RSL24D1: variants seen among roughly 807,000 people sequenced by gnomAD.
The protein encoded by RSL24D1 is ribosomal L24 domain containing 1.
RSL24D1 carries 6 observed loss-of-function variants against 26.2 expected under a neutral mutation model. That is an observed-to-expected ratio of 0.23 (90% CI 0.13 to 0.45). The LOEUF is 0.45. Ranked by LOEUF, RSL24D1 falls within the 20% of genes least tolerant of loss-of-function variation. The pLI is 0.99. For synonymous variants in RSL24D1, 61 were observed against 59.1 expected (o/e 1.03, Z -0.15); for missense variants, 176 against 202.6 (o/e 0.87, Z 0.80).
At chr15:55,196,496 T>G in intron 1 of RSL24D1, 1 of 573,404 alleles carries the variant, frequency 1.7e-6, no homozygotes, top group South Asian at 1.6e-5. Context: ...TTGGCCCAAG[T>G]ACATGAGTGG....
In RSL24D1 at chr15:55,181,221, T is replaced by C. The variant is rs571675434; in HGVS notation, c.*931A>G. On this transcript the variant is annotated 3_prime_UTR_variant, in exon 6 of 6. Transcript: ENST00000260443. ...TTTCTCTTTAATTAAATGTATCTCC[T>C]ACTTAAATGGGATGTGTGGAGGAAG... 1 of 152,504 alleles carries C rather than the reference T, an allele frequency of 6.6e-6. No homozygotes were observed. The highest frequency in any genetic ancestry group is 1.5e-5 in the Non-Finnish European group (1 of 68,040). The allele number at this position is 152,504 out of a possible 1,614,324, so 9.4% of individuals were successfully genotyped here.
intron 4 of RSL24D1, among the ~76,000 whole-genome samples, chr15:55,184,781 G>A (rs1894206335): frequency 6.6e-6 from 1 of 152,180 alleles, no homozygotes; most frequent in Non-Finnish European, 1.5e-5. Flanking sequence ...TGATGCATGA[G>A]AAGGATACGC....
At chr15:55,193,757 T>G (rs1894324966) in intron 1 of RSL24D1, among the ~76,000 whole-genome samples, 1 of 152,268 alleles carries the variant, frequency 6.6e-6, no homozygotes, top group East Asian at 1.9e-4. Flanking sequence ...TAGAAACTGT[T>G]GCTATTAGTT....
chr15:55,183,219 C>A (rs1016677925), intron 5 of RSL24D1, 96 bp downstream of exon 5: 12 of 793,762 alleles, frequency 1.5e-5, no homozygotes, highest in Admixed American at 1.4e-4. Flanking sequence ...CATAAATTTA[C>A]TATGAAAGAT....
Position 55,192,744 on chromosome 15 carries a change from T to C in RSL24D1, c.171A>G (p.Lys57=). The change falls in exon 2 of 6, where the codon AAA becomes AAG. Residue 57 remains lysine (K), a synonymous_variant. Transcript: ENST00000260443. ...RKVRWTKAFR[K]AAGKELTVDN... ...CCACTGTAAGCTCTTTACCAGCTGC[T>C]TTCCGGAATGCTTTGGTCCACCTAA... 1 of 1,613,636 alleles carries C rather than the reference T, an allele frequency of 6.2e-7. No homozygotes were observed. The highest frequency in any genetic ancestry group is 2.2e-5 in the East Asian group (1 of 44,858).
chr15:55,195,677 T>C (rs1894347365), intron 1 of RSL24D1: 3 of 152,292 alleles, frequency 2.0e-5, no homozygotes, highest in Non-Finnish European at 4.4e-5. Flanking sequence ...GGCAATCTTT[T>C]GGTTCATTTT....
chr15:55,184,518 A>G (rs1430706380), intron 4 of RSL24D1, among the ~76,000 whole-genome samples: 1 of 152,196 alleles, frequency 6.6e-6, no homozygotes, highest in Non-Finnish European at 1.5e-5. Flanking sequence ...TAGAAAAACC[A>G]CCATTTGGCA....
At position 55,182,211 on chromosome 15, in the gene RSL24D1, A is replaced by T; in HGVS notation, c.433T>A (p.Leu145Met). 6.2e-7 allele frequency: 1 copy of T among 1,604,640 alleles called. No homozygotes were observed. Among genetic ancestry groups the T allele is most frequent in the Non-Finnish European group, 8.5e-7 (1 of 1,171,948 alleles). The change falls in exon 6 of 6, where the codon TTG (leucine) becomes ATG (methionine). Residue 145 changes from leucine (L) to methionine (M), a missense_variant. Transcript: ENST00000260443. The part of the protein sequence containing the change: ...RAPLAGKGKQ[L>M]EEKMVQQLQE... The stretch of plus-strand genomic sequence containing the variant: ...AACTGCTGTACCATTTTCTCTTCCA[A>T]CTGTTTCCCTTTGCCTTTAATAAAA...
intron 4 of RSL24D1, among the ~76,000 whole-genome samples, chr15:55,183,792 A>G (rs1406237183): frequency 6.6e-6 from 1 of 152,198 alleles, no homozygotes; most frequent in African/African-American, 2.4e-5. Context: ...AGCTCAAAAT[A>G]GGATTCCTAC....
intron 3 of RSL24D1, among the ~76,000 whole-genome samples, chr15:55,189,986 G>A (rs200322414): frequency 3.9e-5 from 6 of 152,172 alleles, no homozygotes; most frequent in Admixed American, 1.3e-4. Context: ...GGTGGCTCAC[G>A]CCTGTAATCC....
chr15:55,190,822 A>G (rs868088691), intron 3 of RSL24D1, among the ~76,000 whole-genome samples, 153 bp downstream of exon 3: 2 of 152,220 alleles, frequency 1.3e-5, no homozygotes, highest in Non-Finnish European at 2.9e-5. Flanking sequence ...AGATCTGACT[A>G]CAACAGAACC....
intron 3 of RSL24D1, among the ~76,000 whole-genome samples, chr15:55,188,365 G>A (rs771297497): frequency 6.6e-6 from 1 of 152,122 alleles, no homozygotes. Context: ...CTATTTTTAG[G>A]ATCCCAGTAA....
chr15:55,186,283 G>T (rs878914407), intron 3 of RSL24D1, among the ~76,000 whole-genome samples: 2 of 152,008 alleles, frequency 1.3e-5, no homozygotes, highest in East Asian at 3.9e-4. Context: ...TAGATCTAAA[G>T]AATAATAAGA....
chr15:55,185,058 AT>A (rs1455928244), intron 4 of RSL24D1, among the ~76,000 whole-genome samples: 1 of 152,214 alleles, frequency 6.6e-6, no homozygotes, highest in East Asian at 1.9e-4. Flanking sequence ...TATTACATCA[AT>A]GTTAATTTCC....
At position 55,192,754 on chromosome 15, in the gene RSL24D1, G is replaced by A. The variant is rs1467469744; in HGVS notation, c.161C>T (p.Ala54Val). ...RNPRKVRWTK[A>V]FRKAAGKELT... ...CTCTTTACCAGCTGCTTTCCGGAATGCTTTGGTCCACCTAACTTTGCGAGG... is the reference window on the plus strand; with the variant it reads ...CTCTTTACCAGCTGCTTTCCGGAATACTTTGGTCCACCTAACTTTGCGAGG... The change falls in exon 2 of 6, where the codon GCA becomes GTA. Residue 54 changes from alanine to valine, a missense_variant. Transcript: ENST00000260443. 1.9e-6 allele frequency: 3 copies of A among 1,613,612 alleles called. No homozygotes were observed. The highest frequency in any genetic ancestry group is 2.5e-6 in the Non-Finnish European group (3 of 1,179,682).
chr15:55,188,401 A>G (rs189235112), intron 3 of RSL24D1, among the ~76,000 whole-genome samples: 10 of 152,360 alleles, frequency 6.6e-5, no homozygotes, highest in African/African-American at 1.2e-4. Context: ...CAGTGCAGGA[A>G]AAAAGAAATC....
At position 55,190,286 on chromosome 15, in the gene RSL24D1, G is replaced by C. The variant is rs1345819292; in HGVS notation, c.268+689C>G. On this transcript the variant is annotated intron_variant, in intron 3 of 5. Coordinates refer to ENST00000260443, the MANE Select transcript of RSL24D1 (RefSeq NM_016304.3). ...AAAAAAAAAAAAAGGCAAGGCCAAG[G>C]GTCCCAAACATACACAAATGTGGTA... Among the ~76,000 whole-genome samples the C allele has an allele frequency of 2.1e-5, 3 of 144,566 alleles. No homozygotes were observed. The East Asian group carries it at 6.0e-4, about 29-fold the overall frequency. The allele number at this position is 144,566 out of a possible 152,430, so 94.8% of individuals were successfully genotyped here.
chr15:55,190,368 TA>T (rs986730052), intron 3 of RSL24D1, among the ~76,000 whole-genome samples: 6 of 151,600 alleles, frequency 4.0e-5, no homozygotes, highest in Non-Finnish European at 8.8e-5. Flanking sequence ...CTTTTTTCAT[TA>T]AACTTTCTGC....
At chr15:55,194,531 C>A (rs577961515) in intron 1 of RSL24D1, among the ~76,000 whole-genome samples, 4 of 152,134 alleles carry the variant, frequency 2.6e-5, no homozygotes, top group Non-Finnish European at 5.9e-5. Context: ...TGCTAACATG[C>A]TAACAAATGA....
Sources: gnomAD v4.1 joint callset for allele counts (sites outside exome capture counted in the v4.1 genomes callset) on GRCh38, gnomAD v4.1.1 for gene constraint, MANE v1.5 for transcripts, NCBI Gene and HGNC (gene_info 2026-07-23, HGNC 2026-07-21) for gene names.